Variants in NOL10 observed in about 807,000 individuals in gnomAD.
The protein encoded by NOL10 is nucleolar protein 10, also known as H_NH0074G24.1.
A neutral mutation model predicts 103.5 loss-of-function variants in NOL10; 58 were observed. The ratio of observed to expected loss-of-function variants is 0.56; its 90% confidence interval spans 0.45 to 0.70. The LOEUF (loss-of-function observed/expected upper bound fraction) is 0.70, where lower values mean the gene tolerates loss of function less well. Among genes scored for constraint, NOL10 ranks in the 30% least tolerant of loss-of-function variants. The pLI is 0.00. For synonymous variants in NOL10, 287 were observed against 282.5 expected (o/e 1.02, Z -0.16); for missense variants, 763 against 807.3 (o/e 0.95, Z 0.67).
chr2:10,575,832 T>C (rs922349049), intron 20 of NOL10, among the ~76,000 whole-genome samples: 4 of 152,134 alleles, frequency 2.6e-5, no homozygotes, highest in African/African-American at 9.7e-5. Flanking sequence ...AATCAACGAA[T>C]GTTTCCAGGT....
chr2:10,580,100 G>A (rs965094581), intron 19 of NOL10, among the ~76,000 whole-genome samples: 1 of 152,194 alleles, frequency 6.6e-6, no homozygotes, highest in African/African-American at 2.4e-5. Context: ...CATTAAAGAA[G>A]TTCCACTTCC....
chr2:10,602,098 T>C (rs1558282053), intron 16 of NOL10, among the ~76,000 whole-genome samples: 2 of 152,208 alleles, frequency 1.3e-5, no homozygotes, highest in Non-Finnish European at 2.9e-5. Context: ...CAGTGGTGGA[T>C]TCCAGTTTGC....
At chr2:10,601,271 GC>G (rs1345314298) in intron 16 of NOL10, among the ~76,000 whole-genome samples, 4 of 152,276 alleles carry the variant, frequency 2.6e-5, no homozygotes, top group Admixed American at 1.3e-4. Context: ...CACTGTGTCA[GC>G]CAGGACAGTC....
chr2:10,640,393 G>A (rs1206010729), intron 13 of NOL10, among the ~76,000 whole-genome samples: 2 of 152,208 alleles, frequency 1.3e-5, no homozygotes, highest in Non-Finnish European at 2.9e-5. Flanking sequence ...AGAAAGGTAG[G>A]TCAGAAAGGA....
chr2:10,578,654 C>T, intron 19 of NOL10, among the ~76,000 whole-genome samples: 1 of 152,318 alleles, frequency 6.6e-6, no homozygotes, highest in African/African-American at 2.4e-5. Context: ...TGAAACTTCA[C>T]TGCAAGTTAT....
intron 20 of NOL10, among the ~76,000 whole-genome samples, chr2:10,572,652 A>G (rs1231795676): frequency 6.6e-6 from 1 of 152,226 alleles, no homozygotes; most frequent in Non-Finnish European, 1.5e-5. Context: ...AAAAACAAAA[A>G]ATACTTAAAT....
intron 12 of NOL10, among the ~76,000 whole-genome samples, chr2:10,645,320 A>G (rs7601748): frequency 0.58 from 87,857 of 151,986 alleles, 26,504 homozygotes; most frequent in African/African-American, 0.74. Flanking sequence ...ATCCACAGAG[A>G]GAAGACATTT....
At chr2:10,616,869 G>A (rs1032991726) in intron 13 of NOL10, among the ~76,000 whole-genome samples, 1 of 152,068 alleles carries the variant, frequency 6.6e-6, no homozygotes, top group Admixed American at 6.6e-5. Flanking sequence ...AATAAGAACA[G>A]GTTGCCTAAG....
At chr2:10,640,167 A>G (rs996491202) in intron 13 of NOL10, among the ~76,000 whole-genome samples, 28 of 152,358 alleles carry the variant, frequency 1.8e-4, no homozygotes, top group Non-Finnish European at 3.2e-4. Flanking sequence ...GGCATGGATC[A>G]TACATTAAAC....
intron 13 of NOL10, among the ~76,000 whole-genome samples, chr2:10,635,572 T>C (rs1411945517): frequency 1.3e-5 from 2 of 152,196 alleles, no homozygotes. Flanking sequence ...TGATACAAAG[T>C]GCCTGACCCT....
At chr2:10,582,219 C>A (rs1185824362) in intron 19 of NOL10, among the ~76,000 whole-genome samples, 1 of 152,170 alleles carries the variant, frequency 6.6e-6, no homozygotes, top group Non-Finnish European at 1.5e-5. Context: ...CATATTAATT[C>A]ACAAAGTGGA....
chr2:10,599,371 A>ACCTCCCTAATCATGCTTAGGCTTAG (rs1675859963), intron 17 of NOL10, among the ~76,000 whole-genome samples: 1 of 152,174 alleles, frequency 6.6e-6, no homozygotes, highest in Non-Finnish European at 1.5e-5. Flanking sequence ...CAGAAAAGTT[A>ACCTCCCTAATCATGCTTAGGCTTAG]CCTCCCTAAT....
At chr2:10,577,824 C>A (rs891584061) in intron 19 of NOL10, 86 bp from the exon 20 acceptor site, 3 of 861,658 alleles carry the variant, frequency 3.5e-6, no homozygotes, top group South Asian at 3.2e-5. Flanking sequence ...GAATTGATAG[C>A]GAAGAAAAAT....
intron 4 of NOL10, among the ~76,000 whole-genome samples, chr2:10,674,992 CAGG>C (rs948435071): frequency 3.3e-5 from 5 of 152,118 alleles, no homozygotes; most frequent in African/African-American, 1.2e-4. Flanking sequence ...CGGCTGAGGC[CAGG>C]AGCTTGAGAC....
chr2:10,624,371 GCC>G (rs1322134784), intron 13 of NOL10, among the ~76,000 whole-genome samples: 34 of 151,960 alleles, frequency 2.2e-4, no homozygotes, highest in African/African-American at 8.2e-4. Context: ...GGACCTATCA[GCC>G]CCAAGTGGAG....
At chr2:10,648,603 A>G (rs954052645) in intron 12 of NOL10, among the ~76,000 whole-genome samples, 2 of 152,174 alleles carry the variant, frequency 1.3e-5, no homozygotes, top group Admixed American at 6.6e-5. Context: ...TCACTTAACA[A>G]TGGGATCAAC....
chr2:10,605,287 T>C (rs959137790), intron 14 of NOL10, among the ~76,000 whole-genome samples: 3 of 152,216 alleles, frequency 2.0e-5, no homozygotes, highest in African/African-American at 7.2e-5. Flanking sequence ...AGCTATAAGA[T>C]CTGCTGTTGG....
At chr2:10,638,224 G>A (rs772027644) in intron 13 of NOL10, among the ~76,000 whole-genome samples, 1 of 152,038 alleles carries the variant, frequency 6.6e-6, no homozygotes, top group Non-Finnish European at 1.5e-5. Flanking sequence ...GGATGAAGCT[G>A]CAGTGAGTTA....
At position 10,668,810 on chromosome 2, in the gene NOL10, C is replaced by T. The variant is rs561761419; in HGVS notation, c.465-87G>A. On this transcript the variant is annotated intron_variant, in intron 6 of 20. Coordinates refer to ENST00000381685, the MANE Select transcript of NOL10 (RefSeq NM_024894.4). ...AAATTTTATAAATATATATATTACT[C>T]ATAAGCCACCACTTCCTTTTGTAAC... The T allele has an allele frequency of 1.3e-5, 6 of 454,712 alleles. No homozygotes were observed. The South Asian group carries it at 1.9e-4, about 14-fold the overall frequency. The allele number at this position is 454,712 out of a possible 1,614,324, so 28.2% of individuals were successfully genotyped here. A position where few individuals can be genotyped will look rare whatever the true frequency, so the allele number is the denominator to read the frequency against.
Sources: allele counts gnomAD v4.1 joint callset (sites outside exome capture counted in the v4.1 genomes callset), GRCh38; gene constraint gnomAD v4.1.1; transcripts MANE v1.5; gene names NCBI Gene and HGNC (gene_info 2026-07-23, HGNC 2026-07-21).